Variants in TTN observed in about 807,000 individuals in gnomAD.
The protein encoded by TTN is connectin.
TTN carries 1,525 observed loss-of-function variants against 3,223.0 expected under a neutral mutation model. The observed-to-expected ratio is 0.47, with a 90% CI of 0.45 to 0.49. The LOEUF is 0.49. Among genes scored for constraint, TTN ranks in the 20% least tolerant of loss-of-function variants. TTN has a pLI of 0.00. For synonymous variants in TTN, 14,094 were observed against 15,161.0 expected, an observed-to-expected ratio of 0.93 and a Z score of 5.17; for missense variants, 40,786 against 43,424.0, an observed-to-expected ratio of 0.94 and a Z score of 5.40.
Position 178,723,060 on chromosome 2 carries a change from A to C in TTN, c.21947T>G (p.Leu7316Arg), listed in dbSNP as rs745745237. 2.5e-6 allele frequency: 4 copies of C among 1,613,576 alleles called. No individual in the cohort carries two copies. The highest frequency in any genetic ancestry group is 3.4e-6 in the Non-Finnish European group (4 of 1,179,636). Residue 7316 changes from leucine (L) to arginine (R), a missense_variant, in exon 75 of 363, where the codon CTG becomes CGG. By Grantham distance (102) the Leu-to-Arg change is moderately radical. Coordinates refer to ENST00000589042, the MANE Select transcript of TTN (RefSeq NM_001267550.2). ...NEAGRDVCGALVSTLEPPYFV... is the reference protein window; with the variant it reads ...NEAGRDVCGARVSTLEPPYFV... ...AGACAACACACCTAATGTAGATACC[A>C]GAGCTCCACAAACATCCCTTCCTGC...
At chr2:178,639,630 A>T (rs1196160109) in intron 223 of TTN, 69 bp downstream of exon 223, 1 of 1,490,276 alleles carries the variant, frequency 6.7e-7, no homozygotes, top group East Asian at 2.3e-5. Flanking sequence ...CTTGAATTTT[A>T]ATCAAGTGTG....
rs2154133248 is a variant in TTN, at chr2:178,531,117, T to C, written c.105498A>G (p.Gly35166=). ...GGCGGGCAGAAGTACTTAGCACTTG[T>C]CCTTTACGCAGCCAGGTCACAGTTG... ...PVPTVTWLRK[G]QVLSTSARHQ... The change falls in exon 358 of 363, where the codon GGA becomes GGG. Residue 35166 remains glycine (G), a synonymous_variant. Transcript: ENST00000589042. The C allele has an allele frequency of 1.2e-6, 2 of 1,613,990 alleles. No homozygotes were observed. The highest frequency in any genetic ancestry group is 1.3e-5 in the African/African-American group (1 of 75,040).
Position 178,665,445 on chromosome 2 carries a change from T to G in TTN, c.35975A>C (p.Lys11992Thr). 1 of 1,612,388 alleles carries G rather than the reference T, an allele frequency of 6.2e-7. No homozygotes were observed. Among genetic ancestry groups the G allele is most frequent in the Non-Finnish European group, 8.5e-7 (1 of 1,179,568 alleles). The change falls in exon 165 of 363, where the codon AAA (lysine) becomes ACA (threonine). Residue 11992 changes from lysine to threonine, a missense_variant. Coordinates refer to ENST00000589042, the MANE Select transcript of TTN (RefSeq NM_001267550.2). Reference protein sequence around the residue: ...IPPTKAPEAMKEVVPEMKIFE... With the variant: ...IPPTKAPEAMTEVVPEMKIFE... ...TATTTTCATTTCAGGGACAACTTCT[T>G]TCATAGCTTCTGGTGCTTTGAAGAT...
At position 178,579,397 on chromosome 2, in the gene TTN, T is replaced by C. The variant is rs376053678; in HGVS notation, c.67637-4A>G. ...TTTAAGTCAAGATCAGGAGCCACTG[T>C]AAAATAGCAGAGATAAATTACTGTT... On this transcript the variant is annotated splice_region_variant and splice_polypyrimidine_tract_variant and intron_variant, in intron 319 of 362. Coordinates refer to ENST00000589042, the MANE Select transcript of TTN (RefSeq NM_001267550.2). 74 of 1,559,648 alleles carry C rather than the reference T, an allele frequency of 4.7e-5. No individual in the cohort carries two copies. Among genetic ancestry groups the C allele is most frequent in the Admixed American group, 8.0e-5 (4 of 49,814 alleles).
At chr2:178,756,942 A>T in intron 45 of TTN, 145 bp from the exon 46 acceptor site, 1 of 737,006 alleles carries the variant, frequency 1.4e-6, no homozygotes, top group East Asian at 2.7e-5. Flanking sequence ...ATGCAATATG[A>T]TCTAGATGTC....
intron 99 of TTN, 91 bp downstream of exon 99, chr2:178,709,475 T>C: frequency 1.5e-6 from 2 of 1,322,150 alleles, no homozygotes; most frequent in Non-Finnish European, 2.0e-6. Context: ...TGTTATAACT[T>C]ACTTGGTCAA....
chr2:178,724,440 C>G lies in TTN; in HGVS notation c.20935G>C (p.Val6979Leu). The G allele has an allele frequency of 6.2e-7, 1 of 1,613,458 alleles. No homozygotes were observed. Among genetic ancestry groups the G allele is most frequent in the Non-Finnish European group, 8.5e-7 (1 of 1,179,552 alleles). ...CKVAGTPELSVEWYKDGKLLT... is the reference protein window; with the variant it reads ...CKVAGTPELSLEWYKDGKLLT... ...AGCTTTCCATCCTTGTACCATTCAA[C>G]AGAGAGTTCCGGAGTGCCAGCCACC... The change falls in exon 72 of 363, where the codon GTT (valine) becomes CTT (leucine). Residue 6979 changes from valine (V) to leucine (L), a missense_variant. Coordinates refer to ENST00000589042, the MANE Select transcript of TTN (RefSeq NM_001267550.2).
In TTN at chr2:178,537,188, G is replaced by A. The variant is rs779347462; in HGVS notation, c.99921C>T (p.Ser33307=). 37 of 1,613,092 alleles carry A rather than the reference G, an allele frequency of 2.3e-5. No homozygotes were observed. The highest frequency in any genetic ancestry group is 1.3e-4 in the Admixed American group (8 of 59,952). ...CGGGTGGTTTCCAGCTGATCACTGC[G>A]GAGTTCTTCAATAGAGCTTCGATCA... ...PIVIEALLKN[S]AVISWKPPAD... The change falls in exon 356 of 363, where the codon TCC becomes TCT. Residue 33307 remains serine, a synonymous_variant. Coordinates refer to ENST00000589042, the MANE Select transcript of TTN (RefSeq NM_001267550.2).
At chr2:178,630,439 T>C in intron 238 of TTN, 72 bp from the exon 239 acceptor site, 1 of 1,489,406 alleles carries the variant, frequency 6.7e-7, no homozygotes, top group Non-Finnish European at 9.0e-7. Flanking sequence ...GGATAGATTA[T>C]CTTAATTAAA....
Position 178,725,565 on chromosome 2 carries a change from G to A in TTN, c.20639C>T (p.Ala6880Val), listed in dbSNP as rs763878064. 9 of 1,612,940 alleles carry A rather than the reference G, an allele frequency of 5.6e-6. No homozygotes were observed. The highest frequency in any genetic ancestry group is 7.6e-6 in the Non-Finnish European group (9 of 1,179,348). ...PAELQASIEG[A>V]QPIFVQWLKE... ...AAGCCACTGGACAAAAATAGGCTGG[G>A]CGCCTTCTATGGATGCTTGTAATTC... The change falls in exon 71 of 363, where the codon GCC becomes GTC. Residue 6880 changes from alanine (A) to valine (V), a missense_variant. Transcript: ENST00000589042.
At position 178,573,400 on chromosome 2, in the gene TTN, TCCC is replaced by T; in HGVS notation, c.72729_72731del (p.Trp24243_Gly24244delinsTer). The T allele has an allele frequency of 6.6e-7, 1 of 1,520,606 alleles. No individual in the cohort carries two copies. The highest frequency in any genetic ancestry group is 8.8e-7 in the Non-Finnish European group (1 of 1,136,638). 94.2% of individuals were successfully genotyped at this position (1,520,606 alleles called of 1,614,324 possible). On this transcript the variant is annotated stop_gained and inframe_deletion, in exon 326 of 363. Transcript: ENST00000589042. LOFTEE classifies it high-confidence loss of function. Reference sequence around the variant, plus strand: ...CACTTCCACCATCAGAATCAGGATGTCCCCAGCAGACAACCATCGAATCTTTAG... The same window carrying T: ...CACTTCCACCATCAGAATCAGGATGTCAGCAGACAACCATCGAATCTTTAG...
chr2:178,718,746 C>G lies in TTN; in HGVS notation c.24454G>C (p.Val8152Leu). 6.2e-7 allele frequency: 1 copy of G among 1,613,728 alleles called. No homozygotes were observed. Among genetic ancestry groups the G allele is most frequent in the Non-Finnish European group, 8.5e-7 (1 of 1,179,736 alleles). ...PLESGDYSCLVTNDAGSASCT... is the reference protein window; with the variant it reads ...PLESGDYSCLLTNDAGSASCT... ...GAAGCACTGCCAGCATCATTTGTAA[C>G]GAGGCAAGAATAGTCTCCACTTTCT... Residue 8152 changes from valine to leucine, a missense_variant, in exon 84 of 363, where the codon GTT (valine) becomes CTT (leucine). Transcript: ENST00000589042.
intron 344 of TTN, 100 bp downstream of exon 344, chr2:178,545,288 A>T: frequency 1.7e-6 from 2 of 1,159,156 alleles, no homozygotes; most frequent in Non-Finnish European, 2.3e-6. Context: ...TTTCTAGACC[A>T]TTCATAAATT....
In TTN at chr2:178,543,178, A is replaced by G; in HGVS notation, c.96795T>C (p.Thr32265=). Residue 32265 remains threonine (T), a synonymous_variant, in exon 347 of 363, where the codon ACT becomes ACC. Transcript: ENST00000589042. ...AGTATTGTTCACCTTCATTTAAGGA[A>G]GTAACAGTGTGCTCTAGGACTGTGG... ...LKPTVLEHTV[T]SLNEGEQYLF... is the part of the protein sequence containing the mutation. The G allele has an allele frequency of 6.2e-7, 1 of 1,613,660 alleles. No individual in the cohort carries two copies. The highest frequency in any genetic ancestry group is 8.5e-7 in the Non-Finnish European group (1 of 1,179,690).
chr2:178,689,634 A>G (rs72650024), intron 122 of TTN, 39 bp from the exon 123 acceptor site: 4 of 1,561,998 alleles, frequency 2.6e-6, no homozygotes, highest in Non-Finnish European at 3.5e-6. Flanking sequence ...TATATTTTCT[A>G]AAGTAGCTAT....
chr2:178,624,253 T>TC (rs1301640914), intron 242 of TTN, among the ~76,000 whole-genome samples: 1 of 151,950 alleles, frequency 6.6e-6, no homozygotes. Flanking sequence ...AAGTGATTGC[T>TC]CCATCATTAA....
chr2:178,582,146 T>C lies in TTN; in HGVS notation c.66223A>G (p.Ser22075Gly). 2 of 1,612,772 alleles carry C rather than the reference T, an allele frequency of 1.2e-6. No homozygotes were observed. The highest frequency in any genetic ancestry group is 1.1e-5 in the South Asian group (1 of 91,062). The change falls in exon 315 of 363, where the codon AGC (serine) becomes GGC (glycine). Residue 22075 changes from serine to glycine, a missense_variant. By Grantham distance (56) the Ser-to-Gly change is moderately conservative. Transcript: ENST00000589042. ...CCATCATCTGCTGGTGGCTTCCAGC[T>C]GACTGTCATGTGATCTTTGGTTATG... Reference protein sequence around the residue: ...SNITKDHMTVSWKPPADDGGS... With the variant: ...SNITKDHMTVGWKPPADDGGS...
At chr2:178,714,201 A>G (rs2077113033) in intron 91 of TTN, 26 bp from the exon 92 acceptor site, 2 of 1,594,922 alleles carry the variant, frequency 1.3e-6, no homozygotes, top group Non-Finnish European at 1.7e-6. Flanking sequence ...AAAGATATCC[A>G]TATTTTAAAC....
chr2:178,783,793 T>G lies in TTN; in HGVS notation c.2776-8A>C. The G allele has an allele frequency of 6.2e-7, 1 of 1,611,948 alleles. No individual in the cohort carries two copies. The highest frequency in any genetic ancestry group is 8.5e-7 in the Non-Finnish European group (1 of 1,178,566). ...TCTTGCTGTTTCTGTTACCTAGATTTTTACAAATTATATTACAAAATGCTC... is the reference window on the plus strand; with the variant it reads ...TCTTGCTGTTTCTGTTACCTAGATTGTTACAAATTATATTACAAAATGCTC... On this transcript the variant is annotated splice_polypyrimidine_tract_variant and splice_region_variant and intron_variant, in intron 16 of 362. Coordinates refer to ENST00000589042, the MANE Select transcript of TTN (RefSeq NM_001267550.2).
Sources: gnomAD v4.1 joint callset for allele counts (sites outside exome capture counted in the v4.1 genomes callset) on GRCh38, gnomAD v4.1.1 for gene constraint, MANE v1.5 for transcripts, NCBI Gene and HGNC (gene_info 2026-07-23, HGNC 2026-07-21) for gene names.